Variants in STRAP observed in about 807,000 individuals in gnomAD.
STRAP encodes the protein serine/threonine kinase receptor associated protein.
In STRAP, 16 loss-of-function variants were observed where a neutral mutation model predicts 47.0. The observed-to-expected ratio is 0.34, with a 90% CI of 0.23 to 0.52. STRAP has a LOEUF of 0.52. STRAP is among the 20% of genes least tolerant of loss of function. The pLI is 0.96. For synonymous variants in STRAP, 130 were observed against 142.7 expected, an observed-to-expected ratio of 0.91 and a Z score of 0.63; for missense variants, 293 against 420.0, an observed-to-expected ratio of 0.70 and a Z score of 2.64.
chr12:15,899,142 C>T (rs1390982291), intron 7 of STRAP, among the ~76,000 whole-genome samples: 1 of 152,114 alleles, frequency 6.6e-6, no homozygotes, highest in Non-Finnish European at 1.5e-5. Flanking sequence ...CAGTGAATAC[C>T]AGATCTGCCT....
chr12:15,891,591 A>G (rs1353868752), intron 4 of STRAP, among the ~76,000 whole-genome samples: 1 of 152,214 alleles, frequency 6.6e-6, no homozygotes, highest in South Asian at 2.1e-4. Flanking sequence ...TATTTTCACA[A>G]TGATTTCCTT....
intron 2 of STRAP, 151 bp downstream of exon 2, chr12:15,883,827 C>A: frequency 9.5e-7 from 1 of 1,047,798 alleles, no homozygotes; most frequent in Non-Finnish European, 1.3e-6. Context: ...CCATCGTGGT[C>A]CATCGTGGTC....
chr12:15,883,734 A>G lies in STRAP; in HGVS notation c.248+58A>G, dbSNP rs1002869871. On this transcript the variant is annotated intron_variant, in intron 2 of 9. Coordinates refer to ENST00000419869, the MANE Select transcript of STRAP (RefSeq NM_007178.4). ...TCTCTGTAGCTTGTGTCCTGAAATAATCAAAAACTTCAGTGTCAGATATTC... is the reference window on the plus strand; with the variant it reads ...TCTCTGTAGCTTGTGTCCTGAAATAGTCAAAAACTTCAGTGTCAGATATTC... The G allele has an allele frequency of 6.3e-6, 10 of 1,588,272 alleles. No individual in the cohort carries two copies. In the African/African-American group the frequency reaches 1.1e-4, roughly 17 times the overall value.
chr12:15,882,856 G>C, intron 1 of STRAP, 37 bp downstream of exon 1: 1 of 1,584,020 alleles, frequency 6.3e-7, no homozygotes, highest in Non-Finnish European at 8.6e-7. Context: ...CGACGGCTGG[G>C]ACTGGGCTGA....
At chr12:15,902,065 C>T (rs574190580) in intron 9 of STRAP, among the ~76,000 whole-genome samples, 31 of 152,094 alleles carry the variant, frequency 2.0e-4, no homozygotes, top group Non-Finnish European at 4.3e-4. Flanking sequence ...CAGCCTCCGC[C>T]TCTGGTTTCA....
intron 4 of STRAP, among the ~76,000 whole-genome samples, chr12:15,892,064 A>G (rs1320662482): frequency 6.6e-6 from 1 of 152,200 alleles, no homozygotes; most frequent in African/African-American, 2.4e-5. Flanking sequence ...ACTGATAACT[A>G]ACTTTCTCTT....
rs1045377083 is a variant in STRAP at position 15,882,389 on chromosome 12, T to C, written c.-319T>C. On this transcript the variant is annotated 5_prime_UTR_variant, in exon 1 of 10. Coordinates refer to ENST00000419869, the MANE Select transcript of STRAP (RefSeq NM_007178.4). ...CGGCGGGTGCTCTGCGTCATTTACG[T>C]CGTCACTTCCTGCCGATGCCGGTGT... 5 of 411,072 alleles carry C rather than the reference T, an allele frequency of 1.2e-5. No individual in the cohort carries two copies. The highest frequency in any genetic ancestry group is 4.6e-5 in the East Asian group (1 of 21,670). The allele number at this position is 411,072 out of a possible 1,614,324, so 25.5% of individuals were successfully genotyped here.
chr12:15,899,287 A>G (rs1291251779), intron 7 of STRAP, among the ~76,000 whole-genome samples: 3 of 152,240 alleles, frequency 2.0e-5, no homozygotes, highest in Non-Finnish European at 2.9e-5. Flanking sequence ...GTGATGAGGC[A>G]TTAGAAAGTA....
intron 1 of STRAP, 25 bp from the exon 2 acceptor site, chr12:15,883,516 A>C: frequency 1.2e-6 from 2 of 1,601,112 alleles, no homozygotes; most frequent in Admixed American, 1.7e-5. Context: ...CTTATAAATT[A>C]CATGTTTTAA....
Position 15,890,036 on chromosome 12 carries a change from C to T in STRAP, c.330+27C>T, listed in dbSNP as rs370830195. The stretch of plus-strand genomic sequence containing the variant: ...TATCAGAAAATGGAATTTATTTTAG[C>T]GAGTTAAGTTGCTGGTACATAGTGT... On this transcript the variant is annotated intron_variant, in intron 3 of 9. Coordinates refer to ENST00000419869, the MANE Select transcript of STRAP (RefSeq NM_007178.4). The surrounding 1 kb of genome is among the most constrained non-coding windows in gnomAD (Gnocchi z 4.5). The T allele has an allele frequency of 6.4e-5, 103 of 1,597,834 alleles. No individual in the cohort carries two copies. Among genetic ancestry groups the T allele is most frequent in the Middle Eastern group, 3.3e-4 (2 of 6,046 alleles).
rs1168344445 is a variant in STRAP, at chr12:15,898,051, T to G, written c.775+33T>G. 4.4e-6 allele frequency: 7 copies of G among 1,575,438 alleles called. No individual in the cohort carries two copies. The African/African-American group carries it at 9.7e-5, about 22-fold the overall frequency. On this transcript the variant is annotated intron_variant, in intron 7 of 9. Coordinates refer to ENST00000419869, the MANE Select transcript of STRAP (RefSeq NM_007178.4). ...GTCCCCTTACAGTGATGTGGTTACC[T>G]TTATCATATGTTAAGTCCCAGTAAT...
chr12:15,892,760 G>A lies in STRAP; in HGVS notation c.404-1287G>A, dbSNP rs541144729. 3.3e-5 allele frequency among the ~76,000 whole-genome samples: 5 copies of A among 152,024 alleles called. No homozygotes were observed. The South Asian group carries it at 1.0e-3, about 32-fold the overall frequency. ...CTCCTTTCTTTTTTGATAAATCTATGCCAAAACATAGCAAAGGACTCTGAC... is the reference window on the plus strand; with the variant it reads ...CTCCTTTCTTTTTTGATAAATCTATACCAAAACATAGCAAAGGACTCTGAC... On this transcript the variant is annotated intron_variant, in intron 4 of 9. Transcript: ENST00000419869.
Position 15,890,920 on chromosome 12 carries a change from C to T in STRAP, c.403+251C>T, listed in dbSNP as rs966193620. On this transcript the variant is annotated intron_variant, in intron 4 of 9. Coordinates refer to ENST00000419869, the MANE Select transcript of STRAP (RefSeq NM_007178.4). The surrounding 1 kb of genome is among the most constrained non-coding windows in gnomAD (Gnocchi z 4.5). ...ATTAAAAATAGAAAAATTAGCCAGG[C>T]ATGGTGGCAGGCGCTTGTAATCCCA... Among the ~76,000 whole-genome samples, 2 of 151,972 alleles carry T rather than the reference C, an allele frequency of 1.3e-5. No homozygotes were observed. The highest frequency in any genetic ancestry group is 4.8e-5 in the African/African-American group (2 of 41,368).
intron 4 of STRAP, among the ~76,000 whole-genome samples, chr12:15,893,517 A>G (rs902252917): frequency 6.8e-6 from 1 of 147,026 alleles, no homozygotes; most frequent in Admixed American, 6.8e-5. Context: ...TAATAAATAT[A>G]TACTTTTTAT....
chr12:15,901,670 G>A (rs1043022797), intron 9 of STRAP, among the ~76,000 whole-genome samples: 2 of 151,884 alleles, frequency 1.3e-5, no homozygotes, highest in African/African-American at 2.4e-5. Flanking sequence ...AGACCAACCT[G>A]GCCAACATGG....
intron 6 of STRAP, 146 bp from the exon 7 acceptor site, chr12:15,897,736 A>G: frequency 2.3e-6 from 1 of 435,404 alleles, no homozygotes; most frequent in Non-Finnish European, 3.7e-6. Context: ...TTTTTTTGCT[A>G]ACAGCTTTTT....
At chr12:15,886,754 T>C (rs1267176856) in intron 2 of STRAP, among the ~76,000 whole-genome samples, 1 of 152,306 alleles carries the variant, frequency 6.6e-6, no homozygotes, top group African/African-American at 2.4e-5. Flanking sequence ...AATTTTTTTT[T>C]CCCTCCATTC....
At chr12:15,900,895 A>T (rs948311889) in intron 8 of STRAP, 52 bp from the exon 9 acceptor site, 1 of 1,412,048 alleles carries the variant, frequency 7.1e-7, no homozygotes, top group African/African-American at 1.5e-5. Context: ...GAACACTGGA[A>T]ATTACTTTAA....
intron 8 of STRAP, 121 bp downstream of exon 8, chr12:15,900,174 T>A (rs1948091970): frequency 1.8e-6 from 2 of 1,091,694 alleles, no homozygotes; most frequent in East Asian, 5.4e-5. Flanking sequence ...TATTATGGTT[T>A]AAGCAGCGAG....
Sources: allele counts gnomAD v4.1 joint callset (sites outside exome capture counted in the v4.1 genomes callset), GRCh38; gene constraint gnomAD v4.1.1; non-coding constraint Gnocchi (gnomAD v3.1); transcripts MANE v1.5; gene names NCBI Gene and HGNC (gene_info 2026-07-23, HGNC 2026-07-21).